PIEZO2: variants seen among roughly 807,000 people sequenced by gnomAD.
The protein encoded by PIEZO2 is piezo type mechanosensitive ion channel component 2.
PIEZO2 carries 172 observed loss-of-function variants against 337.3 expected under a neutral mutation model. The ratio of observed to expected loss-of-function variants is 0.51; its 90% CI spans 0.45 to 0.58. The LOEUF (loss-of-function observed/expected upper bound fraction) is 0.58. Ranked by LOEUF, PIEZO2 falls within the 20% of genes least tolerant of loss-of-function variation. The probability of loss-of-function intolerance (pLI) is 0.00; values close to 1 mark genes in which losing one functional copy is unlikely to be tolerated. For missense variants in PIEZO2, 3,028 were observed against 3,391.3 expected, an observed-to-expected ratio of 0.89 and a Z score of 2.66; for synonymous variants, 1,251 against 1,228.5, an observed-to-expected ratio of 1.02 and a Z score of -0.38.
At position 10,770,178 on chromosome 18, in the gene PIEZO2, G is replaced by A. The variant is rs1360169463; in HGVS notation, c.2916C>T (p.Ser972=). The part of the protein sequence containing the change: ...ILELHIIKIV[S]SYIIWVSVKE... ...TCACAGAAACCCAGATAATGTAAGA[G>A]GAAACGATTTTGATGATGTGCAACT... The change falls in exon 21 of 56, where the codon TCC becomes TCT. Residue 972 remains serine, a synonymous_variant. Coordinates refer to ENST00000674853, the MANE Select transcript of PIEZO2 (RefSeq NM_001378183.1). The A allele has an allele frequency of 3.3e-6, 5 of 1,537,170 alleles. No individual in the cohort carries two copies. Among genetic ancestry groups the A allele is most frequent in the Non-Finnish European group, 4.4e-6 (5 of 1,146,886 alleles).
chr18:10,858,271 C>T (rs549182148), intron 5 of PIEZO2, among the ~76,000 whole-genome samples: 2 of 141,130 alleles, frequency 1.4e-5, no homozygotes, highest in Non-Finnish European at 3.0e-5. Flanking sequence ...TGCAGTGAGC[C>T]GAGATTGTGC....
chr18:10,855,512 A>G lies in PIEZO2; in HGVS notation c.758T>C (p.Leu253Pro). The G allele has an allele frequency of 2.0e-6, 3 of 1,537,140 alleles. No individual in the cohort carries two copies. Among genetic ancestry groups the G allele is most frequent in the Non-Finnish European group, 2.6e-6 (3 of 1,146,910 alleles). Residue 253 changes from leucine (L) to proline (P), a missense_variant, in exon 7 of 56, where the codon CTG (leucine) becomes CCG (proline). Physicochemically the swap from Leu to Pro is moderately conservative, Grantham distance 98. This residue lies in a region of PIEZO2 where 542 missense variants were observed against 605.6 expected (regional missense o/e 0.89). Transcript: ENST00000674853. The surrounding 1 kb of genome is among the most constrained non-coding windows in gnomAD (Gnocchi z 4.9). The part of the protein sequence containing the change: ...SSVYFFVFLG[L>P]CTWWSWCRTF... ...CCGGCACCAGGACCACCAGGTGCACAGACCCAAAAATACAAAAAAATACAC... is the reference window on the plus strand; with the variant it reads ...CCGGCACCAGGACCACCAGGTGCACGGACCCAAAAATACAAAAAAATACAC...
chr18:10,772,103 T>C (rs1426144579), intron 20 of PIEZO2, among the ~76,000 whole-genome samples: 1 of 152,176 alleles, frequency 6.6e-6, no homozygotes, highest in African/African-American at 2.4e-5. Flanking sequence ...AGATCTAAGG[T>C]AAGAACAACT....
intron 4 of PIEZO2, among the ~76,000 whole-genome samples, chr18:10,876,363 T>G (rs2042268919): frequency 6.6e-6 from 1 of 152,220 alleles, no homozygotes; most frequent in South Asian, 2.1e-4. Context: ...CTTCTAAGAC[T>G]ATTACATGTG....
chr18:10,998,608 C>T (rs1056361951), intron 2 of PIEZO2, among the ~76,000 whole-genome samples: 2 of 151,930 alleles, frequency 1.3e-5, no homozygotes, highest in Non-Finnish European at 1.5e-5. Flanking sequence ...ATGCTAACTC[C>T]AAAATTATTT....
intron 7 of PIEZO2, among the ~76,000 whole-genome samples, chr18:10,823,521 C>T (rs2040581203): frequency 6.6e-6 from 1 of 152,196 alleles, no homozygotes; most frequent in Non-Finnish European, 1.5e-5. Flanking sequence ...ATCAAAGCTG[C>T]ACATTATTTT....
rs112982077 is a variant in PIEZO2, at chr18:10,704,450, A to T, written c.6202T>A (p.Leu2068Met). The T allele has an allele frequency of 2.3e-4, 350 of 1,537,228 alleles. 1 individual carries two copies. Among genetic ancestry groups the T allele is most frequent in the Admixed American group, 5.9e-4 (30 of 51,004 alleles). The change falls in exon 42 of 56, where the codon TTG becomes ATG. Residue 2068 changes from leucine (L) to methionine (M), a missense_variant. By Grantham distance (15) the Leu-to-Met change is conservative (BLOSUM62 2). This residue lies in a region of PIEZO2 where 1,925 missense variants were observed against 2,051.9 expected (regional missense o/e 0.94). Transcript: ENST00000674853. ...CGGCGGCTGGGCCTGGGGACGGACA[A>T]CATGGCCCAGAGGAAGATGAGGATG... Reference protein sequence around the residue: ...LPILIFLWAMLSVPRPSRRFW... With the variant: ...LPILIFLWAMMSVPRPSRRFW...
rs751322484 is a variant in PIEZO2, at chr18:10,716,572, G to A, written c.5090-756C>T. ...GAGCAAGGAGGCACAGGAAGAGAAC[G>A]GCCGCTGCTTGAAGCTGAATGAAGT... On this transcript the variant is annotated intron_variant, in intron 37 of 55. Coordinates refer to ENST00000674853, the MANE Select transcript of PIEZO2 (RefSeq NM_001378183.1). The surrounding 1 kb of genome is among the most constrained non-coding windows in gnomAD (Gnocchi z 4.1). Among the ~76,000 whole-genome samples the A allele has an allele frequency of 2.6e-5, 4 of 151,808 alleles. No homozygotes were observed. The highest frequency in any genetic ancestry group is 6.6e-5 in the Admixed American group (1 of 15,264).
rs1286869601 is a variant in PIEZO2, at chr18:10,671,543, C to G, written c.8582G>C (p.Arg2861Thr). Residue 2861 changes from arginine to threonine, a missense_variant, in exon 56 of 56, where the codon AGA becomes ACA. By Grantham distance (71) the Arg-to-Thr change is moderately conservative (BLOSUM62 -1). This residue lies in a region of PIEZO2 where 332 missense variants were observed against 363.8 expected (regional missense o/e 0.91). Transcript: ENST00000674853. ...RSPETMIKWT[R>T]EKTN ...TCTAAGGTTTCAATTTGTTTTTTCT[C>G]TAGTCCATTTGATCATTGTCTCTGG... is the stretch of plus-strand genomic sequence containing the variant. 1 of 1,610,454 alleles carries G rather than the reference C, an allele frequency of 6.2e-7. No individual in the cohort carries two copies. Among genetic ancestry groups the G allele is most frequent in the Admixed American group, 1.7e-5 (1 of 59,378 alleles).
intron 3 of PIEZO2, among the ~76,000 whole-genome samples, chr18:10,918,689 A>C (rs1170702757): frequency 6.6e-6 from 1 of 152,062 alleles, no homozygotes; most frequent in Non-Finnish European, 1.5e-5. Context: ...AGACTCCCCC[A>C]CACACTAAGA....
rs1241420746 is a variant in PIEZO2, at chr18:11,137,375, TTATGGC to T, written c.64+11144_64+11149del. Reference sequence around the variant, plus strand: ...GGCCCGTAGGTTAAAAAGCAGTGATTTATGGCCATACCTTTTAATATTAAAAAAGGC... The same window carrying T: ...GGCCCGTAGGTTAAAAAGCAGTGATTCATACCTTTTAATATTAAAAAAGGC... On this transcript the variant is annotated intron_variant, in intron 1 of 55. Transcript: ENST00000674853. Among the ~76,000 whole-genome samples the T allele has an allele frequency of 5.9e-5, 9 of 152,180 alleles. No homozygotes were observed. In the East Asian group the frequency reaches 1.5e-3, roughly 26 times the overall value.
In PIEZO2 at chr18:10,794,239, G is replaced by A. The variant is rs2039502100; in HGVS notation, c.1758+533C>T. ...TGAAAGCAAATAAGTAATGAGAAGA[G>A]TATGAACATTCTAACTCAGATAAGA... On this transcript the variant is annotated intron_variant, in intron 13 of 55. Coordinates refer to ENST00000674853, the MANE Select transcript of PIEZO2 (RefSeq NM_001378183.1). This position sits in a 1 kb window ranked among gnomAD's most constrained non-coding sequence, Gnocchi z 6.6. Among the ~76,000 whole-genome samples, 1 of 146,022 alleles carries A rather than the reference G, an allele frequency of 6.8e-6. No homozygotes were observed. The highest frequency in any genetic ancestry group is 7.0e-5 in the Admixed American group (1 of 14,344).
At chr18:10,744,077 C>T (rs1056795389) in intron 31 of PIEZO2, 65 bp downstream of exon 31, 2 of 1,173,272 alleles carry the variant, frequency 1.7e-6, no homozygotes, top group South Asian at 1.4e-5. Context: ...AACAGTGGAG[C>T]ACCAGCTGAA....
Position 10,783,757 on chromosome 18 carries a change from C to T in PIEZO2, c.2492+1027G>A, listed in dbSNP as rs2039114394. ...TATCAGAATGATAGGCGAAACACAACACAATAAGAAAAGTGAATCTGCTGG... is the reference window on the plus strand; with the variant it reads ...TATCAGAATGATAGGCGAAACACAATACAATAAGAAAAGTGAATCTGCTGG... On this transcript the variant is annotated intron_variant, in intron 17 of 55. Coordinates refer to ENST00000674853, the MANE Select transcript of PIEZO2 (RefSeq NM_001378183.1). This position sits in a 1 kb window ranked among gnomAD's most constrained non-coding sequence, Gnocchi z 4.3. 6.6e-6 allele frequency among the ~76,000 whole-genome samples: 1 copy of T among 152,148 alleles called. No individual in the cohort carries two copies. The highest frequency in any genetic ancestry group is 1.5e-5 in the Non-Finnish European group (1 of 68,034).
intron 49 of PIEZO2, among the ~76,000 whole-genome samples, chr18:10,684,639 T>A (rs2034465770): frequency 6.6e-6 from 1 of 151,968 alleles, no homozygotes; most frequent in African/African-American, 2.4e-5. Context: ...TAATTTTTTA[T>A]ATTTTTAGTA....
intron 23 of PIEZO2, 124 bp downstream of exon 23, chr18:10,762,376 T>A (rs2038170365): frequency 8.0e-7 from 1 of 1,243,034 alleles, no homozygotes; most frequent in African/African-American, 1.5e-5. Flanking sequence ...GCAAAGGTGA[T>A]GCCAAATCCC....
chr18:10,791,045 T>C (rs1375989686), intron 14 of PIEZO2, among the ~76,000 whole-genome samples, 156 bp downstream of exon 14: 1 of 152,218 alleles, frequency 6.6e-6, no homozygotes, highest in African/African-American at 2.4e-5. Flanking sequence ...CTCTCACGTG[T>C]ACCTCAAAAG....
chr18:10,751,881 A>T (rs2037659704), intron 28 of PIEZO2, among the ~76,000 whole-genome samples: 1 of 151,998 alleles, frequency 6.6e-6, no homozygotes, highest in African/African-American at 2.4e-5. Flanking sequence ...GGTTGATGTG[A>T]CTCTGGAATT....
At chr18:10,842,165 A>C (rs1371839926) in intron 7 of PIEZO2, among the ~76,000 whole-genome samples, 1 of 149,738 alleles carries the variant, frequency 6.7e-6, no homozygotes, top group African/African-American at 2.4e-5. Flanking sequence ...AAAAAAAAAA[A>C]AAGTTGGTGT....
Sources: gnomAD v4.1 joint callset for allele counts (sites outside exome capture counted in the v4.1 genomes callset) on GRCh38, gnomAD v4.1.1 for gene constraint, gnomAD v4.1.1 regional missense constraint, Gnocchi (gnomAD v3.1) non-coding constraint, MANE v1.5 for transcripts, NCBI Gene and HGNC (gene_info 2026-07-23, HGNC 2026-07-21) for gene names.